RAB28: variants seen among roughly 807,000 people sequenced by gnomAD.
The protein encoded by RAB28 is ras-related protein Rab-28.
In RAB28, 24 loss-of-function variants were observed where a neutral mutation model predicts 31.7. The observed-to-expected ratio is 0.76, with a 90% confidence interval of 0.55 to 1.06. RAB28 has a LOEUF of 1.06. RAB28 is among the 50% of genes least tolerant of loss of function. The pLI is 0.00. For missense variants in RAB28, 254 were observed against 258.5 expected (o/e 0.98, Z 0.12); for synonymous variants, 100 against 90.4 (o/e 1.11, Z -0.60).
At chr4:13,381,737 C>T (rs1729139177) in intron 4 of RAB28, 143 bp from the exon 5 acceptor site, 3 of 559,590 alleles carry the variant, frequency 5.4e-6, no homozygotes, top group Admixed American at 3.4e-5. Context: ...TATTAAACCT[C>T]TTTATGACTC....
intron 4 of RAB28, among the ~76,000 whole-genome samples, chr4:13,387,790 G>A (rs1729442640): frequency 6.6e-6 from 1 of 151,996 alleles, no homozygotes; most frequent in Non-Finnish European, 1.5e-5. Flanking sequence ...ACTTTTGACT[G>A]GAATGAAAAT....
chr4:13,459,845 G>A, intron 4 of RAB28: 1 of 1,287,154 alleles, frequency 7.8e-7, no homozygotes, highest in Admixed American at 2.3e-5. Flanking sequence ...AAACCTCTGG[G>A]ACAGAGCTGA....
At chr4:13,469,959 G>A (rs1284767982) in intron 3 of RAB28, among the ~76,000 whole-genome samples, 1 of 151,996 alleles carries the variant, frequency 6.6e-6, no homozygotes, top group Non-Finnish European at 1.5e-5. Flanking sequence ...CTAAAGCACT[G>A]GGATTACAGG....
intron 4 of RAB28, among the ~76,000 whole-genome samples, chr4:13,409,109 A>G (rs1712271654): frequency 6.6e-6 from 1 of 152,180 alleles, no homozygotes; most frequent in Admixed American, 6.5e-5. Context: ...CTAAAATCTC[A>G]TGTGGGGTCA....
intron 2 of RAB28, among the ~76,000 whole-genome samples, 190 bp from the exon 3 acceptor site, chr4:13,474,596 T>A (rs879735879): frequency 7.2e-5 from 11 of 151,754 alleles, no homozygotes; most frequent in Admixed American, 7.2e-4. Flanking sequence ...GTGGGGAATC[T>A]AGTTTTATCT....
chr4:13,399,210 T>C (rs1711608784), intron 4 of RAB28, among the ~76,000 whole-genome samples: 2 of 152,220 alleles, frequency 1.3e-5, no homozygotes, highest in South Asian at 4.1e-4. Context: ...TTCATATGTG[T>C]AGTCATCTGC....
chr4:13,464,863 T>C (rs183704195), intron 3 of RAB28, among the ~76,000 whole-genome samples: 14 of 152,166 alleles, frequency 9.2e-5, no homozygotes, highest in African/African-American at 2.9e-4. Context: ...GATTTTGTAA[T>C]TACTAGACAG....
intron 4 of RAB28, among the ~76,000 whole-genome samples, chr4:13,418,348 A>C (rs1354756728): frequency 2.6e-5 from 4 of 152,226 alleles, no homozygotes; most frequent in Admixed American, 6.5e-5. Context: ...TATCCAGGAG[A>C]ACTTCCCCAA....
intron 4 of RAB28, among the ~76,000 whole-genome samples, chr4:13,386,291 G>A (rs1028113751): frequency 1.3e-5 from 2 of 151,884 alleles, no homozygotes; most frequent in African/African-American, 4.8e-5. Context: ...CTTCTCCACA[G>A]CAAAAGAAAC....
chr4:13,388,807 A>T (rs1282960656), intron 4 of RAB28, among the ~76,000 whole-genome samples: 1 of 152,096 alleles, frequency 6.6e-6, no homozygotes, highest in Non-Finnish European at 1.5e-5. Flanking sequence ...AAAAACAAGG[A>T]TGAAAAAGAT....
chr4:13,461,583 T>C (rs980567569), intron 3 of RAB28, among the ~76,000 whole-genome samples: 1 of 152,210 alleles, frequency 6.6e-6, no homozygotes, highest in Non-Finnish European at 1.5e-5. Context: ...CTGGACGTAA[T>C]ACTGTACTAA....
At chr4:13,447,577 ATACTT>A (rs1420103110) in intron 4 of RAB28, among the ~76,000 whole-genome samples, 7 of 152,220 alleles carry the variant, frequency 4.6e-5, no homozygotes, top group African/African-American at 1.7e-4. Context: ...AAAGTGGAAA[ATACTT>A]AAATTCTAAC....
In RAB28 at chr4:13,484,071, C is replaced by G. The variant is rs1716750080; in HGVS notation, c.75+5G>C. ...CTGGGACGGCGGGCCTGCTCGAGGA[C>G]TGACCTTCCCGGAGGCGCCGTCCCC... On this transcript the variant is annotated splice_donor_5th_base_variant and intron_variant, in intron 1 of 6. Coordinates refer to ENST00000330852, the MANE Select transcript of RAB28 (RefSeq NM_001017979.3). 1 of 1,593,292 alleles carries G rather than the reference C, an allele frequency of 6.3e-7. No homozygotes were observed. Among genetic ancestry groups the G allele is most frequent in the Non-Finnish European group, 8.5e-7 (1 of 1,170,686 alleles).
chr4:13,394,529 T>A lies in RAB28; in HGVS notation c.392-12935A>T, dbSNP rs191699306. ...CAGGCCATGTAACAGTAGCAGTCCATGGCCCAGGGGTTGGGAACCCCTGAT... is the reference window on the plus strand; with the variant it reads ...CAGGCCATGTAACAGTAGCAGTCCAAGGCCCAGGGGTTGGGAACCCCTGAT... On this transcript the variant is annotated intron_variant, in intron 4 of 6. Coordinates refer to ENST00000330852, the MANE Select transcript of RAB28 (RefSeq NM_001017979.3). 2.6e-5 allele frequency among the ~76,000 whole-genome samples: 4 copies of A among 152,116 alleles called. No homozygotes were observed. The East Asian group carries it at 7.7e-4, about 29-fold the overall frequency.
rs753629468 is a variant in RAB28, at chr4:13,474,442, C to T, written c.173-36G>A. On this transcript the variant is annotated intron_variant, in intron 2 of 6. Coordinates refer to ENST00000330852, the MANE Select transcript of RAB28 (RefSeq NM_001017979.3). Reference sequence around the variant, plus strand: ...AAAAATGAATATAAAAATAAGAATACCAAAAAAATTAAGTAACAATACAAC... The same window carrying T: ...AAAAATGAATATAAAAATAAGAATATCAAAAAAATTAAGTAACAATACAAC... 2.4e-6 allele frequency: 3 copies of T among 1,265,924 alleles called. No homozygotes were observed. In the African/African-American group the frequency reaches 4.6e-5, roughly 19 times the overall value. 78.4% of individuals were successfully genotyped at this position (1,265,924 alleles called of 1,614,324 possible). A position where few individuals can be genotyped will look rare whatever the true frequency, so the allele number is the denominator to read the frequency against.
intron 4 of RAB28, among the ~76,000 whole-genome samples, chr4:13,436,102 A>C (rs539537235): frequency 2.2e-4 from 33 of 152,346 alleles, no homozygotes; most frequent in Admixed American, 1.0e-3. Context: ...ATAAAAACAA[A>C]AACCATATGA....
chr4:13,371,084 G>T lies in RAB28; in HGVS notation c.574-2434C>A, dbSNP rs1019503314. ...AAAGCATCTTAATATGAGCTGCTGTGTGTGACTACATTTATAAATAAAGAT... is the reference window on the plus strand; with the variant it reads ...AAAGCATCTTAATATGAGCTGCTGTTTGTGACTACATTTATAAATAAAGAT... On this transcript the variant is annotated intron_variant, in intron 6 of 6. Transcript: ENST00000330852. 4.1e-6 allele frequency: 4 copies of T among 984,706 alleles called. No homozygotes were observed. In the Admixed American group the frequency reaches 1.8e-4, roughly 45 times the overall value. The allele number at this position is 984,706 out of a possible 1,614,324, so 61.0% of individuals were successfully genotyped here.
intron 4 of RAB28, among the ~76,000 whole-genome samples, chr4:13,422,458 T>C (rs546009072): frequency 4.1e-4 from 62 of 152,330 alleles, no homozygotes; most frequent in African/African-American, 1.4e-3. Flanking sequence ...CCTATGTTTA[T>C]TGCGGCACTA....
chr4:13,387,521 T>C (rs1729428386), intron 4 of RAB28, among the ~76,000 whole-genome samples: 1 of 152,024 alleles, frequency 6.6e-6, no homozygotes, highest in Non-Finnish European at 1.5e-5. Flanking sequence ...CATACCTCAT[T>C]GTCAACACAT....
Sources: gnomAD v4.1 joint callset for allele counts (sites outside exome capture counted in the v4.1 genomes callset) on GRCh38, gnomAD v4.1.1 for gene constraint, MANE v1.5 for transcripts, NCBI Gene and HGNC (gene_info 2026-07-23, HGNC 2026-07-21) for gene names.